The following MRAP2 variants were observed in gnomAD, a reference collection of about 807,000 sequenced individuals.
MRAP2 encodes melanocortin-2 receptor accessory protein 2.
A neutral mutation model predicts 17.4 loss-of-function variants in MRAP2; 20 were observed. The ratio of observed to expected loss-of-function variants is 1.15; its 90% CI spans 0.81 to 1.67. The LOEUF (loss-of-function observed/expected upper bound fraction) is 1.67, where lower values mean the gene tolerates loss of function less well. Ranked by LOEUF, MRAP2 falls within the 40% of genes most tolerant of loss-of-function variation. The pLI is 0.00. For synonymous variants in MRAP2, 96 were observed against 88.4 expected (o/e 1.09, Z -0.48); for missense variants, 238 against 240.0 (o/e 0.99, Z 0.05).
chr6:84,051,272 G>A (rs1238095203), intron 1 of MRAP2, among the ~76,000 whole-genome samples: 1 of 152,194 alleles, frequency 6.6e-6, no homozygotes, highest in Non-Finnish European at 1.5e-5. Flanking sequence ...AGAAGGTAGA[G>A]AGGACTGGGC....
At chr6:84,115,053 CA>C in the MRAP2 span, among the ~76,000 whole-genome samples, 1 of 152,164 alleles carries the variant, frequency 6.6e-6, no homozygotes, top group African/African-American at 2.4e-5. Flanking sequence ...AAACGGGGGT[CA>C]GGGGCCCCTT....
chr6:84,136,420 A>AGTT, the MRAP2 span, among the ~76,000 whole-genome samples: 5 of 152,258 alleles, frequency 3.3e-5, no homozygotes, highest in South Asian at 1.0e-3. Flanking sequence ...GAACCACTGA[A>AGTT]CTTATTCTTC....
downstream of MRAP2, among the ~76,000 whole-genome samples, chr6:84,092,532 G>A (rs921894278): frequency 2.0e-5 from 3 of 152,046 alleles, no homozygotes; most frequent in Non-Finnish European, 4.4e-5. Context: ...TCATCCTGGG[G>A]AAAAACTCTC....
chr6:84,131,165 T>C, the MRAP2 span, among the ~76,000 whole-genome samples: 1 of 152,212 alleles, frequency 6.6e-6, no homozygotes, highest in South Asian at 2.1e-4. Context: ...TTGTGCAGTT[T>C]TGAGTGAGTT....
chr6:84,059,194 A>C (rs954844572), intron 2 of MRAP2, among the ~76,000 whole-genome samples: 1 of 152,250 alleles, frequency 6.6e-6, no homozygotes, highest in Non-Finnish European at 1.5e-5. Flanking sequence ...AATTTGAGCT[A>C]TCAGTGGTGG....
chr6:84,141,838 C>A, the MRAP2 span, among the ~76,000 whole-genome samples: 1 of 152,012 alleles, frequency 6.6e-6, no homozygotes, highest in Non-Finnish European at 1.5e-5. Flanking sequence ...ATATTTTGGG[C>A]CTCCATTACA....
At chr6:84,136,174 CAAA>C in the MRAP2 span, among the ~76,000 whole-genome samples, 1 of 152,182 alleles carries the variant, frequency 6.6e-6, no homozygotes, top group African/African-American at 2.4e-5. Flanking sequence ...AACTACTGGA[CAAA>C]AACAACTGAT....
intron 3 of MRAP2, among the ~76,000 whole-genome samples, chr6:84,076,510 C>T (rs893526839): frequency 6.6e-6 from 1 of 152,126 alleles, no homozygotes; most frequent in Non-Finnish European, 1.5e-5. Context: ...AGGTGTGAGC[C>T]ACTGCACCCA....
chr6:84,105,984 A>G, the MRAP2 span, among the ~76,000 whole-genome samples: 3 of 151,976 alleles, frequency 2.0e-5, no homozygotes, highest in African/African-American at 4.8e-5. Flanking sequence ...AGACCTATAT[A>G]TTTTGCCAGT....
In MRAP2 at chr6:84,089,180, GC is replaced by G; in HGVS notation, c.319del (p.Gln107LysfsTer52). ...RPLEPDKVFS[R>X]QGNEESRSLF... ...CTGGAGCCAGATAAAGTATTTTCTC[GC>G]CAAGGCAACGAGGAGTCCAGGTCTC... On this transcript the variant is annotated frameshift_variant, in exon 4 of 4. Coordinates refer to ENST00000257776, the MANE Select transcript of MRAP2 (RefSeq NM_138409.4). LOFTEE classifies it high-confidence loss of function. The G allele has an allele frequency of 6.2e-7, 1 of 1,614,070 alleles. No homozygotes were observed. Among genetic ancestry groups the G allele is most frequent in the Admixed American group, 1.7e-5 (1 of 60,002 alleles).
At chr6:84,069,067 T>C (rs2099495532) in intron 3 of MRAP2, among the ~76,000 whole-genome samples, 1 of 152,102 alleles carries the variant, frequency 6.6e-6, no homozygotes, top group South Asian at 2.1e-4. Flanking sequence ...TGACTTCCTC[T>C]TTACCGATTT....
the MRAP2 span, among the ~76,000 whole-genome samples, chr6:84,129,595 A>C: frequency 1.3e-5 from 2 of 151,988 alleles, no homozygotes; most frequent in Non-Finnish European, 2.9e-5. Context: ...CCTTTGTCAG[A>C]TGGATAGATT....
chr6:84,109,271 T>C, the MRAP2 span, among the ~76,000 whole-genome samples: 1 of 152,188 alleles, frequency 6.6e-6, no homozygotes, highest in Non-Finnish European at 1.5e-5. Context: ...GCAGTATGAC[T>C]ATATGCATGC....
chr6:84,105,899 A>G, the MRAP2 span, among the ~76,000 whole-genome samples: 1 of 152,116 alleles, frequency 6.6e-6, no homozygotes, highest in South Asian at 2.1e-4. Context: ...CAGGAACAGA[A>G]AGTAAAAATT....
At chr6:84,066,664 A>T (rs1176852086) in intron 3 of MRAP2, among the ~76,000 whole-genome samples, 1 of 152,212 alleles carries the variant, frequency 6.6e-6, no homozygotes, top group Non-Finnish European at 1.5e-5. Flanking sequence ...TCACAGGAAG[A>T]TGAAGTAAAT....
intron 1 of MRAP2, among the ~76,000 whole-genome samples, chr6:84,036,330 A>G (rs565466382): frequency 1.2e-4 from 19 of 152,312 alleles, no homozygotes; most frequent in African/African-American, 4.3e-4. Context: ...GCCTTGTTGA[A>G]TAGATTTACT....
At chr6:84,064,794 G>A (rs1359417656) in intron 3 of MRAP2, among the ~76,000 whole-genome samples, 2 of 152,274 alleles carry the variant, frequency 1.3e-5, no homozygotes, top group East Asian at 3.9e-4. Flanking sequence ...GCCGAATCCT[G>A]GCATTTTTAT....
intron 3 of MRAP2, among the ~76,000 whole-genome samples, chr6:84,082,914 T>TA (rs1464636690): frequency 1.3e-5 from 2 of 151,760 alleles, no homozygotes; most frequent in Admixed American, 6.6e-5. Context: ...TTTCCTTATT[T>TA]AAAAAAAAGA....
chr6:84,124,144 C>G, the MRAP2 span: 5 of 152,010 alleles, frequency 3.3e-5, no homozygotes, highest in African/African-American at 9.7e-5. Context: ...CTATGGAAAG[C>G]AGTATAGAGA....
Sources: allele counts gnomAD v4.1 joint callset (sites outside exome capture counted in the v4.1 genomes callset), GRCh38; gene constraint gnomAD v4.1.1; transcripts MANE v1.5; gene names NCBI Gene and HGNC (gene_info 2026-07-23, HGNC 2026-07-21).